The following PCBP3 variants were observed in gnomAD, a reference collection of about 807,000 sequenced individuals.
PCBP3 encodes the protein poly(rC)-binding protein 3.
Under a neutral mutation model 52.7 loss-of-function variants are expected in PCBP3, and 25 were observed. The ratio of observed to expected loss-of-function variants is 0.47; its 90% CI spans 0.35 to 0.66. PCBP3 has a LOEUF of 0.66. PCBP3 is among the 30% of genes least tolerant of loss of function. The probability of loss-of-function intolerance (pLI) is 0.01; values close to 1 mark genes in which losing one functional copy is unlikely to be tolerated. For missense variants in PCBP3, 391 were observed against 490.3 expected (o/e 0.80, Z 1.91); for synonymous variants, 162 against 183.0 (o/e 0.89, Z 0.93).
chr21:45,910,830 C>T (rs1257634764), intron 10 of PCBP3, 72 bp from the exon 11 acceptor site: 86 of 1,477,946 alleles, frequency 5.8e-5, no homozygotes, highest in South Asian at 5.3e-4. Context: ...CCTTGGGTGC[C>T]GAGACTCGGG....
intron 4 of PCBP3, among the ~76,000 whole-genome samples, chr21:45,786,483 G>T (rs1274005291): frequency 6.6e-6 from 1 of 151,966 alleles, no homozygotes; most frequent in Non-Finnish European, 1.5e-5. Context: ...TAGAGATGGG[G>T]TTTCACCACG....
chr21:45,701,883 G>A (rs1317235653), intron 2 of PCBP3, among the ~76,000 whole-genome samples: 1 of 152,254 alleles, frequency 6.6e-6, no homozygotes, highest in African/African-American at 2.4e-5. Flanking sequence ...TTAATAAAAA[G>A]AACTATATTT....
At chr21:45,755,778 G>T (rs2087978199) in intron 4 of PCBP3, among the ~76,000 whole-genome samples, 1 of 151,978 alleles carries the variant, frequency 6.6e-6, no homozygotes, top group Non-Finnish European at 1.5e-5. Flanking sequence ...ATTTTATATT[G>T]TTTGTTTTCT....
At chr21:45,670,527 T>C (rs2081104131) in intron 2 of PCBP3, among the ~76,000 whole-genome samples, 1 of 152,216 alleles carries the variant, frequency 6.6e-6, no homozygotes, top group African/African-American at 2.4e-5. Context: ...AGAGAGGTTT[T>C]CATCAGGTAC....
chr21:45,807,516 T>C (rs1476149199), intron 4 of PCBP3, among the ~76,000 whole-genome samples: 1 of 152,158 alleles, frequency 6.6e-6, no homozygotes, highest in Non-Finnish European at 1.5e-5. Flanking sequence ...TACAAACCAC[T>C]GCTCAAGGAA....
chr21:45,759,279 C>T (rs2088382242), intron 4 of PCBP3, among the ~76,000 whole-genome samples: 1 of 152,118 alleles, frequency 6.6e-6, no homozygotes, highest in African/African-American at 2.4e-5. Context: ...GCCATTAAAG[C>T]AATTTGGGCC....
At chr21:45,691,184 C>T (rs958282653) in intron 2 of PCBP3, among the ~76,000 whole-genome samples, 1 of 151,732 alleles carries the variant, frequency 6.6e-6, no homozygotes, top group Non-Finnish European at 1.5e-5. Flanking sequence ...AAAATACATT[C>T]ATACAGTATG....
intron 7 of PCBP3, among the ~76,000 whole-genome samples, chr21:45,900,117 G>A (rs1440835355): frequency 2.0e-5 from 3 of 152,314 alleles, no homozygotes; most frequent in South Asian, 2.1e-4. Flanking sequence ...CATTTTCACC[G>A]CTTCCGGGGG....
In PCBP3 at chr21:45,658,573, G is replaced by C. The variant is rs139579059; in HGVS notation, c.-278-10301G>C. Among the ~76,000 whole-genome samples the C allele has an allele frequency of 8.1e-3, 1,227 of 152,222 alleles. 9 individuals are homozygous for C. The highest frequency in any genetic ancestry group is 0.013 in the Non-Finnish European group (891 of 68,020). On this transcript the variant is annotated intron_variant, in intron 1 of 17. Coordinates refer to ENST00000681687, the MANE Select transcript of PCBP3 (RefSeq NM_001384156.1). ...CCTGCCCTGGCATCCCAAAATGCTG[G>C]GATTACAGACATGAGCCGCCACACC...
chr21:45,811,956 A>G (rs2092697656), intron 4 of PCBP3, among the ~76,000 whole-genome samples: 1 of 151,982 alleles, frequency 6.6e-6, no homozygotes, highest in South Asian at 2.1e-4. Flanking sequence ...CTTAATATTT[A>G]TCAGTTATTC....
chr21:45,780,385 A>G (rs1358997454), intron 4 of PCBP3, among the ~76,000 whole-genome samples: 1 of 152,230 alleles, frequency 6.6e-6, no homozygotes, highest in Non-Finnish European at 1.5e-5. Context: ...TTATGATCTG[A>G]TGGGGCTCCA....
intron 13 of PCBP3, among the ~76,000 whole-genome samples, chr21:45,920,147 G>A (rs909042710): frequency 6.6e-6 from 1 of 152,230 alleles, no homozygotes. Context: ...GTCAGGGTTT[G>A]TGTTTACCCC....
chr21:45,852,229 C>T (rs935033610), intron 5 of PCBP3, among the ~76,000 whole-genome samples: 6 of 152,286 alleles, frequency 3.9e-5, no homozygotes, highest in Middle Eastern at 6.8e-3. Context: ...AACTATTATG[C>T]GTCAATTATA....
intron 4 of PCBP3, among the ~76,000 whole-genome samples, chr21:45,818,695 A>G (rs2093039466): frequency 6.6e-6 from 1 of 152,232 alleles, no homozygotes; most frequent in Non-Finnish European, 1.5e-5. Context: ...TTCAGCCTAC[A>G]CAACAACCTG....
At chr21:45,838,205 G>T (rs1603448610) in intron 4 of PCBP3, among the ~76,000 whole-genome samples, 1 of 152,322 alleles carries the variant, frequency 6.6e-6, no homozygotes, top group Non-Finnish European at 1.5e-5. Context: ...ACACAGTGGA[G>T]TTTGGCCAGT....
intron 17 of PCBP3, among the ~76,000 whole-genome samples, chr21:45,940,447 G>A (rs931408642): frequency 3.9e-5 from 6 of 152,240 alleles, no homozygotes; most frequent in African/African-American, 1.4e-4. Context: ...AATCCCGGAG[G>A]CTAGAGAGGA....
intron 4 of PCBP3, chr21:45,832,472 G>A (rs1198372023): frequency 6.6e-6 from 1 of 152,212 alleles, no homozygotes; most frequent in African/African-American, 2.4e-5. Flanking sequence ...TCAAGATGTA[G>A]TCACTCTGCC....
chr21:45,833,450 G>T (rs1013018530), intron 4 of PCBP3, among the ~76,000 whole-genome samples: 2 of 152,202 alleles, frequency 1.3e-5, no homozygotes, highest in Non-Finnish European at 2.9e-5. Context: ...CATGCTACTT[G>T]TGCATGCCAG....
At chr21:45,935,361 G>T (rs1048519187) in intron 16 of PCBP3, 56 bp downstream of exon 16, 11 of 1,324,084 alleles carry the variant, frequency 8.3e-6, no homozygotes, top group African/African-American at 1.5e-5. Context: ...GGCACAAGTG[G>T]CTGTCAGCTC....
Sources: gnomAD v4.1 joint callset for allele counts (sites outside exome capture counted in the v4.1 genomes callset) on GRCh38, gnomAD v4.1.1 for gene constraint, MANE v1.5 for transcripts, NCBI Gene and HGNC (gene_info 2026-07-23, HGNC 2026-07-21) for gene names.